The following ADK variants were observed in gnomAD, a reference collection of about 807,000 sequenced individuals.
The protein encoded by ADK is N6,N6-dimethyladenosine kinase.
ADK carries 24 observed loss-of-function variants against 44.7 expected under a neutral mutation model. That is an observed-to-expected ratio of 0.54 (90% CI 0.39 to 0.76). The LOEUF (loss-of-function observed/expected upper bound fraction) is 0.76, where lower values mean the gene tolerates loss of function less well. Among genes scored for constraint, ADK ranks in the 30% least tolerant of loss-of-function variants. The pLI is 0.00. For synonymous variants in ADK, 128 were observed against 142.6 expected (o/e 0.90, Z 0.73); for missense variants, 321 against 425.1 (o/e 0.76, Z 2.15).
chr10:74,437,204 T>G (rs949381101), intron 6 of ADK, among the ~76,000 whole-genome samples: 6 of 152,142 alleles, frequency 3.9e-5, no homozygotes, highest in Non-Finnish European at 8.8e-5. Context: ...CCAATAAAAG[T>G]TTGACAAAAA....
At chr10:74,215,729 G>A (rs938703919) in intron 2 of ADK, among the ~76,000 whole-genome samples, 3 of 142,206 alleles carry the variant, frequency 2.1e-5, no homozygotes, top group East Asian at 4.2e-4. Flanking sequence ...GCAGTGGCTC[G>A]ATCTCGGCTC....
chr10:74,425,903 C>T (rs974064967), intron 6 of ADK, among the ~76,000 whole-genome samples: 35 of 152,086 alleles, frequency 2.3e-4, no homozygotes, highest in African/African-American at 8.5e-4. Context: ...CCTATTTAGT[C>T]AGAAATAGAA....
chr10:74,300,311 TTTCCTTCC>T (rs1213221623), intron 3 of ADK, among the ~76,000 whole-genome samples: 7 of 67,114 alleles, frequency 1.0e-4, no homozygotes, highest in East Asian at 1.1e-3. Context: ...TCCTTCCTTC[TTTCCTTCC>T]TTCCTTCCTT....
intron 1 of ADK, among the ~76,000 whole-genome samples, chr10:74,189,072 A>T (rs1591826812): frequency 6.7e-6 from 1 of 148,640 alleles, no homozygotes; most frequent in South Asian, 2.1e-4. Flanking sequence ...CATTATTATT[A>T]TTTTTTCTTT....
Position 74,594,479 on chromosome 10 carries a change from T to A in ADK, c.762+5162T>A, listed in dbSNP as rs564055641. Reference sequence around the variant, plus strand: ...GGAGGTAAAGAAGGGATAGAACATATTTTTTTAAAATATGACATATGGAAA... The same window carrying A: ...GGAGGTAAAGAAGGGATAGAACATAATTTTTTAAAATATGACATATGGAAA... On this transcript the variant is annotated intron_variant, in intron 8 of 10. Transcript: ENST00000539909. 6.1e-5 allele frequency among the ~76,000 whole-genome samples: 9 copies of A among 147,720 alleles called. No homozygotes were observed. The South Asian group carries it at 1.9e-3, about 32-fold the overall frequency.
At chr10:74,438,347 C>T (rs1845260528) in intron 6 of ADK, among the ~76,000 whole-genome samples, 1 of 151,910 alleles carries the variant, frequency 6.6e-6, no homozygotes, top group Non-Finnish European at 1.5e-5. Flanking sequence ...GCCTCAGCCT[C>T]CCAAGTAGCT....
At chr10:74,572,841 C>G (rs189818855) in intron 7 of ADK, among the ~76,000 whole-genome samples, 118 of 152,304 alleles carry the variant, frequency 7.7e-4, no homozygotes, top group African/African-American at 2.8e-3. Flanking sequence ...CGAGCCTTGG[C>G]TTTCAGCTCC....
chr10:74,550,336 A>T (rs189262547), intron 7 of ADK, among the ~76,000 whole-genome samples: 4 of 151,976 alleles, frequency 2.6e-5, no homozygotes, highest in African/African-American at 9.6e-5. Context: ...CTCCCAAAGT[A>T]CTGGGATTAC....
At chr10:74,160,244 A>C (rs1428804541) in intron 1 of ADK, among the ~76,000 whole-genome samples, 1 of 152,192 alleles carries the variant, frequency 6.6e-6, no homozygotes, top group Non-Finnish European at 1.5e-5. Context: ...TTGCCACGGC[A>C]ACACCCAGAA....
At chr10:74,564,399 G>C (rs1394029654) in intron 7 of ADK, among the ~76,000 whole-genome samples, 2 of 152,016 alleles carry the variant, frequency 1.3e-5, no homozygotes, top group Non-Finnish European at 2.9e-5. Context: ...TATTCTCTTT[G>C]ATAGCCCACA....
chr10:74,698,459 T>A (rs1191975758), intron 10 of ADK, among the ~76,000 whole-genome samples: 1 of 152,268 alleles, frequency 6.6e-6, no homozygotes, highest in Admixed American at 6.5e-5. Flanking sequence ...AGACTTTTTC[T>A]TATTAAACAT....
intron 8 of ADK, among the ~76,000 whole-genome samples, chr10:74,591,630 C>T (rs990905595): frequency 1.3e-5 from 2 of 152,068 alleles, no homozygotes; most frequent in Admixed American, 1.3e-4. Context: ...AGGAATAAAA[C>T]AAAAATAAAT....
intron 1 of ADK, among the ~76,000 whole-genome samples, chr10:74,197,439 C>A (rs1330599995): frequency 6.6e-6 from 1 of 152,160 alleles, no homozygotes; most frequent in Non-Finnish European, 1.5e-5. Flanking sequence ...TAGCTCACAC[C>A]TGTAATCCCA....
chr10:74,185,288 A>G (rs1341922525), intron 1 of ADK, among the ~76,000 whole-genome samples: 3 of 152,208 alleles, frequency 2.0e-5, no homozygotes, highest in Non-Finnish European at 2.9e-5. Context: ...TTGGAAGTAC[A>G]TGCTGGGCTA....
chr10:74,346,153 A>G (rs1320780017), intron 4 of ADK, among the ~76,000 whole-genome samples: 2 of 152,322 alleles, frequency 1.3e-5, no homozygotes, highest in East Asian at 3.9e-4. Flanking sequence ...CAGCCTCCCA[A>G]AGTGCTGGAA....
chr10:74,291,419 A>AAACAAC (rs1245288806), intron 3 of ADK, among the ~76,000 whole-genome samples: 2 of 151,962 alleles, frequency 1.3e-5, no homozygotes, highest in East Asian at 1.9e-4. Context: ...TCCGTCTCAA[A>AAACAAC]AACAACAACA....
rs563930789 is a variant in ADK at position 74,447,078 on chromosome 10, C to T, written c.555+48499C>T. Among the ~76,000 whole-genome samples the T allele has an allele frequency of 1.8e-4, 28 of 152,196 alleles. 1 individual carries two copies. Among genetic ancestry groups the T allele is most frequent in the Admixed American group, 1.6e-3 (25 of 15,286 alleles). On this transcript the variant is annotated intron_variant, in intron 6 of 10. Coordinates refer to ENST00000539909, the MANE Select transcript of ADK (RefSeq NM_006721.4). Reference sequence around the variant, plus strand: ...TAGGAGGAAAAACTTTTCCTCTACCCTCTTATGTTCAGTAGTTGGTGCTTG... The same window carrying T: ...TAGGAGGAAAAACTTTTCCTCTACCTTCTTATGTTCAGTAGTTGGTGCTTG...
At chr10:74,645,330 T>A (rs1256647967) in intron 9 of ADK, among the ~76,000 whole-genome samples, 1 of 152,220 alleles carries the variant, frequency 6.6e-6, no homozygotes, top group East Asian at 1.9e-4. Flanking sequence ...AGTGTGTCAT[T>A]TCATTTTCAT....
intron 9 of ADK, among the ~76,000 whole-genome samples, chr10:74,640,603 G>A (rs1853807635): frequency 6.6e-6 from 1 of 152,114 alleles, no homozygotes; most frequent in Admixed American, 6.5e-5. Flanking sequence ...GTTTAAATCA[G>A]GAATCGGCAA....
Sources: gnomAD v4.1 joint callset for allele counts (sites outside exome capture counted in the v4.1 genomes callset) on GRCh38, gnomAD v4.1.1 for gene constraint, MANE v1.5 for transcripts, NCBI Gene and HGNC (gene_info 2026-07-23, HGNC 2026-07-21) for gene names.